Variants in ADAMTSL1 observed in about 807,000 individuals in gnomAD.
The protein encoded by ADAMTSL1 is ADAMTS like 1, also known as ADAMTS-like protein 1.
In ADAMTSL1, 126 loss-of-function variants were observed where a neutral mutation model predicts 201.8. That is an observed-to-expected ratio of 0.62 (90% CI 0.54 to 0.72). ADAMTSL1 has a LOEUF of 0.72. Ranked by LOEUF, ADAMTSL1 falls within the 30% of genes least tolerant of loss-of-function variation. The pLI is 0.00. For synonymous variants in ADAMTSL1, 1,121 were observed against 903.4 expected (o/e 1.24, Z -4.32); for missense variants, 2,679 against 2,277.8 (o/e 1.18, Z -3.59).
chr9:18,750,422 T>G (rs1332703), intron 15 of ADAMTSL1, among the ~76,000 whole-genome samples: 85,729 of 152,042 alleles, frequency 0.56, 24,373 homozygotes, highest in South Asian at 0.64. Context: ...ATTTTATGTT[T>G]GTGAGATTCA....
rs530931627 is a variant in ADAMTSL1, at chr9:18,318,639, A to G, written c.207+154658A>G. Among the ~76,000 whole-genome samples, 17 of 152,232 alleles carry G rather than the reference A, an allele frequency of 1.1e-4. No individual in the cohort carries two copies. In the East Asian group the frequency reaches 3.3e-3, roughly 29 times the overall value. ...CACCTCTTCCTTACAGTGGTGTATC[A>G]CATCTCCAAGGAGCTGATATGATTG... On this transcript the variant is annotated intron_variant, in intron 2 of 29. Transcript: ENST00000680146.
At chr9:17,957,848 C>G (rs915461425) in intron 1 of ADAMTSL1, among the ~76,000 whole-genome samples, 2 of 152,082 alleles carry the variant, frequency 1.3e-5, no homozygotes, top group South Asian at 2.1e-4. Flanking sequence ...TGCTGGGAGT[C>G]ACCCAAAGCT....
At chr9:18,682,889 C>T (rs1210392322) in intron 12 of ADAMTSL1, among the ~76,000 whole-genome samples, 1 of 152,122 alleles carries the variant, frequency 6.6e-6, no homozygotes. Context: ...ATGCATCTCT[C>T]TCGAAGCCTT....
At chr9:18,146,800 A>T (rs1191458722) in intron 1 of ADAMTSL1, among the ~76,000 whole-genome samples, 13 of 152,164 alleles carry the variant, frequency 8.5e-5, no homozygotes, top group Admixed American at 8.5e-4. Flanking sequence ...TAGTCTGTAT[A>T]TACTTCTGTA....
intron 15 of ADAMTSL1, among the ~76,000 whole-genome samples, chr9:18,726,344 A>T (rs1280314112): frequency 6.6e-6 from 1 of 152,020 alleles, no homozygotes; most frequent in Non-Finnish European, 1.5e-5. Flanking sequence ...CTCTATAAAA[A>T]ATACAAAAAT....
At chr9:18,208,350 C>G (rs1829738244) in intron 2 of ADAMTSL1, among the ~76,000 whole-genome samples, 1 of 152,038 alleles carries the variant, frequency 6.6e-6, no homozygotes, top group African/African-American at 2.4e-5. Context: ...CTTTCTGACC[C>G]CTGGTGGCAG....
At chr9:18,037,996 A>T (rs1821273101) in intron 1 of ADAMTSL1, among the ~76,000 whole-genome samples, 1 of 152,108 alleles carries the variant, frequency 6.6e-6, no homozygotes. Flanking sequence ...GGGTGATGCA[A>T]TTTTTTATTT....
chr9:18,889,713 GC>G lies in ADAMTSL1; in HGVS notation c.4611del (p.Ile1538SerfsTer14). 6.4e-7 allele frequency: 1 copy of G among 1,555,942 alleles called. No individual in the cohort carries two copies. On this transcript the variant is annotated frameshift_variant, in exon 25 of 29. Transcript: ENST00000380548. LOFTEE classifies it high-confidence loss of function. The stretch of plus-strand genomic sequence containing the variant: ...CAGGGAAGGTTCGCCCTGCGGTGCA[GC>G]CCATCGCGTGCAACCGGAGAGACTG... ...CAGKVRPAVQ[P>X]IACNRRDCPS...
chr9:18,767,022 G>A (rs1230602736), intron 16 of ADAMTSL1, among the ~76,000 whole-genome samples: 1 of 152,062 alleles, frequency 6.6e-6, no homozygotes, highest in Non-Finnish European at 1.5e-5. Flanking sequence ...TCAGGGGAAG[G>A]GTGGTAAAAA....
At chr9:18,036,059 C>T (rs1821182920) in intron 1 of ADAMTSL1, among the ~76,000 whole-genome samples, 2 of 152,212 alleles carry the variant, frequency 1.3e-5, no homozygotes, top group African/African-American at 4.8e-5. Context: ...CAAGGGATCT[C>T]ATGTAGGAGG....
chr9:18,393,145 A>G (rs1838121151), intron 2 of ADAMTSL1, among the ~76,000 whole-genome samples: 1 of 152,156 alleles, frequency 6.6e-6, no homozygotes, highest in Non-Finnish European at 1.5e-5. Flanking sequence ...AAATTAAGGA[A>G]CCTCTAAATT....
chr9:18,908,531 A>G lies in ADAMTSL1; in HGVS notation c.5272A>G (p.Thr1758Ala). The G allele has an allele frequency of 1.3e-6, 2 of 1,561,696 alleles. No individual in the cohort carries two copies. Among genetic ancestry groups the G allele is most frequent in the Non-Finnish European group, 1.7e-6 (2 of 1,152,918 alleles). Residue 1758 changes from threonine to alanine, a missense_variant, in exon 29 of 29, where the codon ACT (threonine) becomes GCT (alanine). Physicochemically the swap from Thr to Ala is moderately conservative, Grantham distance 58. Coordinates refer to ENST00000380548, the MANE Select transcript of ADAMTSL1 (RefSeq NM_001040272.6). ...LSQFKSRCCG[T>A]CGKA ...CCAGTTTAAATCTCGCTGCTGTGGA[A>G]CTTGTGGCAAAGCGTGAAGATAGGG...
At chr9:17,990,380 T>C (rs1376104251) in intron 1 of ADAMTSL1, among the ~76,000 whole-genome samples, 2 of 152,044 alleles carry the variant, frequency 1.3e-5, no homozygotes, top group African/African-American at 2.4e-5. Flanking sequence ...ATGTTTGGAC[T>C]CCTTTCATTT....
intron 13 of ADAMTSL1, among the ~76,000 whole-genome samples, chr9:18,690,951 T>G (rs1831176409): frequency 6.6e-6 from 1 of 152,248 alleles, no homozygotes; most frequent in Admixed American, 6.5e-5. Context: ...TGCCATGCTA[T>G]GTACCAGGTG....
intron 3 of ADAMTSL1, among the ~76,000 whole-genome samples, chr9:18,550,773 A>T (rs997697692): frequency 6.6e-6 from 1 of 151,948 alleles, no homozygotes; most frequent in Non-Finnish European, 1.5e-5. Flanking sequence ...TTATGGCAGC[A>T]ATAGAAAACT....
chr9:18,243,771 G>A (rs1158400853), intron 2 of ADAMTSL1, among the ~76,000 whole-genome samples: 2 of 150,132 alleles, frequency 1.3e-5, no homozygotes, highest in Non-Finnish European at 3.0e-5. Flanking sequence ...CATACCCCAA[G>A]GCTTCCTGAT....
chr9:17,988,009 T>G (rs935910057), intron 1 of ADAMTSL1, among the ~76,000 whole-genome samples: 6 of 152,112 alleles, frequency 3.9e-5, no homozygotes, highest in Non-Finnish European at 8.8e-5. Context: ...AAAGTAGTAA[T>G]TGCAAAAGTA....
intron 3 of ADAMTSL1, among the ~76,000 whole-genome samples, chr9:18,570,493 A>G (rs1469189684): frequency 6.6e-6 from 1 of 152,210 alleles, no homozygotes. Flanking sequence ...ATGTTTGCCA[A>G]ATCCTTCTTC....
chr9:18,385,108 G>A (rs1165200877), intron 2 of ADAMTSL1, among the ~76,000 whole-genome samples: 2 of 152,148 alleles, frequency 1.3e-5, no homozygotes, highest in African/African-American at 4.8e-5. Context: ...CACATTACAA[G>A]CAAAATTTGG....
Sources: gnomAD v4.1 joint callset for allele counts (sites outside exome capture counted in the v4.1 genomes callset) on GRCh38, gnomAD v4.1.1 for gene constraint, MANE v1.5 for transcripts, NCBI Gene and HGNC (gene_info 2026-07-23, HGNC 2026-07-21) for gene names.